LRCH2: variants seen among roughly 807,000 people sequenced by gnomAD.
The protein encoded by LRCH2 is leucine-rich repeat and calponin homology domain-containing protein 2.
Under a neutral mutation model 68.9 loss-of-function variants are expected in LRCH2, and 38 were observed. The ratio of observed to expected loss-of-function variants is 0.55; its 90% confidence interval spans 0.43 to 0.72. The LOEUF (loss-of-function observed/expected upper bound fraction) is 0.72. Among genes scored for constraint, LRCH2 ranks in the 30% least tolerant of loss-of-function variants. LRCH2 has a pLI of 0.00. For missense variants in LRCH2, 528 were observed against 572.9 expected, an observed-to-expected ratio of 0.92 and a Z score of 0.80; for synonymous variants, 191 against 208.1, an observed-to-expected ratio of 0.92 and a Z score of 0.71.
At chrX:115,121,034 G>C (rs1375696014) in intron 20 of LRCH2, among the ~76,000 whole-genome samples, 1 of 102,411 alleles carries the variant, frequency 9.8e-6, no homozygotes, top group Non-Finnish European at 2.0e-5. Context: ...GGTGGGGGGA[G>C]GCGGGAGGGA....
At chrX:115,192,203 C>T in intron 1 of LRCH2, 2 of 1,165,280 alleles carry the variant, frequency 1.7e-6, no homozygotes, top group South Asian at 1.9e-5. Flanking sequence ...GGCCGCTCGC[C>T]CAATGCCTAC....
intron 15 of LRCH2, among the ~76,000 whole-genome samples, chrX:115,129,133 G>A (rs2072222292): frequency 1.8e-5 from 2 of 111,845 alleles, no homozygotes; most frequent in Admixed American, 1.9e-4. Flanking sequence ...TATTGCAAGG[G>A]CTTGAACCTC....
chrX:115,193,025 A>G (rs782214745), intron 1 of LRCH2, among the ~76,000 whole-genome samples: 10 of 111,413 alleles, frequency 9.0e-5, no homozygotes, highest in Admixed American at 8.6e-4. Flanking sequence ...GCTCACTTAA[A>G]CCAACTAGAT....
chrX:115,190,977 G>A (rs1556558485), intron 1 of LRCH2: 2 of 1,161,445 alleles, frequency 1.7e-6, no homozygotes, highest in East Asian at 6.6e-5. Flanking sequence ...ACTATGAGGA[G>A]AACCGAGGCC....
chrX:115,172,780 C>T (rs1556547962), intron 5 of LRCH2, among the ~76,000 whole-genome samples: 1 of 82,552 alleles, frequency 1.2e-5, no homozygotes, highest in Non-Finnish European at 2.2e-5. Context: ...TTGGAGACAA[C>T]TCCTGTACTC....
intron 5 of LRCH2, 59 bp from the exon 6 acceptor site, chrX:115,170,491 T>C: frequency 1.1e-6 from 1 of 916,307 alleles, no homozygotes; most frequent in Non-Finnish European, 1.4e-6. Context: ...ACATCTATCA[T>C]TTTAAACCAT....
At chrX:115,192,190 C>T (rs1370921773) in intron 1 of LRCH2, 2 of 1,163,437 alleles carry the variant, frequency 1.7e-6, no homozygotes, top group Admixed American at 5.2e-5. Context: ...CGAGGAATAC[C>T]AAGGCCGCTC....
chrX:115,165,187 G>C (rs2072548201), intron 10 of LRCH2, among the ~76,000 whole-genome samples: 1 of 110,075 alleles, frequency 9.1e-6, no homozygotes, highest in Non-Finnish European at 1.9e-5. Flanking sequence ...TACACTTCAG[G>C]GGTAAAAATA....
chrX:115,228,983 T>C (rs186281338), intron 1 of LRCH2, among the ~76,000 whole-genome samples: 14 of 111,456 alleles, frequency 1.3e-4, no homozygotes, highest in African/African-American at 3.9e-4. Flanking sequence ...ATTGTATAAA[T>C]CCTTTAAGTA....
intron 14 of LRCH2, 45 bp from the exon 15 acceptor site, chrX:115,130,244 T>A (rs782649810): frequency 2.9e-5 from 20 of 688,407 alleles, no homozygotes; most frequent in Non-Finnish European, 4.0e-5. Context: ...CTTGAACATA[T>A]AAATTCTCTA....
Position 115,163,690 on chromosome X carries a change from T to C in LRCH2, c.1449A>G (p.Gln483=), listed in dbSNP as rs186216461. ...GAAAGGAATACCTGTTCTTCTGTTC[T>C]TGCTGCAATAACTGAGCAGCTATTT... The part of the protein sequence containing the change: ...LRKIAAQLLQ[Q]EQKNRILNHS... The change falls in exon 11 of 21, where the codon CAA becomes CAG. Residue 483 remains glutamine (Q), a synonymous_variant. Coordinates refer to ENST00000317135, the MANE Select transcript of LRCH2 (RefSeq NM_020871.4). The C allele has an allele frequency of 1.5e-3, 1,799 of 1,191,052 alleles. 3 individuals are homozygous for C. The highest frequency in any genetic ancestry group is 1.2e-3 in the Non-Finnish European group (1,038 of 882,842).
chrX:115,153,746 C>T (rs782398764), intron 12 of LRCH2, among the ~76,000 whole-genome samples: 1 of 110,220 alleles, frequency 9.1e-6, no homozygotes, highest in East Asian at 2.9e-4. Context: ...ATACTCTAAC[C>T]CCTAAAAAAA....
chrX:115,125,650 TAC>T lies in LRCH2; in HGVS notation c.1791+1191_1791+1192del, dbSNP rs1368879902. 4.0e-4 allele frequency among the ~76,000 whole-genome samples: 36 copies of T among 89,801 alleles called. 1 individual carries two copies. Among genetic ancestry groups the T allele is most frequent in the African/African-American group, 1.4e-3 (33 of 23,176 alleles). 78.0% of individuals were successfully genotyped at this position (89,801 alleles called of 115,157 possible). A position where few individuals can be genotyped will look rare whatever the true frequency, so the allele number is the denominator to read the frequency against. Reference sequence around the variant, plus strand: ...ATATACATATATATACATATATATATACACGTATATATATACGTATATATATA... The same window carrying T: ...ATATACATATATATACATATATATATACGTATATATATACGTATATATATA... On this transcript the variant is annotated intron_variant, in intron 16 of 20. Coordinates refer to ENST00000317135, the MANE Select transcript of LRCH2 (RefSeq NM_020871.4).
rs1385141448 is a variant in LRCH2, at chrX:115,169,833, CA to C, written c.998+465del. Among the ~76,000 whole-genome samples the C allele has an allele frequency of 4.5e-5, 5 of 110,653 alleles. No homozygotes were observed. In the East Asian group the frequency reaches 1.4e-3, roughly 32 times the overall value. ...AAAACACTGAAATCATAAAGAACAT[CA>C]AAGATGTTCATCAAAGATGATATAT... On this transcript the variant is annotated intron_variant, in intron 6 of 20. Transcript: ENST00000317135.
At chrX:115,189,132 A>G (rs2072757549) in intron 1 of LRCH2, among the ~76,000 whole-genome samples, 1 of 111,829 alleles carries the variant, frequency 8.9e-6, no homozygotes, top group African/African-American at 3.3e-5. Flanking sequence ...AATGTAACCA[A>G]CAACCACCAT....
At chrX:115,115,274 TG>T (rs2072072678) in intron 20 of LRCH2, among the ~76,000 whole-genome samples, 2 of 110,842 alleles carry the variant, frequency 1.8e-5, no homozygotes, top group Admixed American at 1.9e-4. Context: ...AGAACAAATG[TG>T]GAAGACTCAC....
At chrX:115,130,342 T>G (rs1378991236) in intron 14 of LRCH2, 143 bp from the exon 15 acceptor site, 2 of 343,990 alleles carry the variant, frequency 5.8e-6, no homozygotes, top group Non-Finnish European at 1.0e-5. Flanking sequence ...CAGGTGTAAA[T>G]AGTCCTACTA....
chrX:115,162,242 C>T (rs1051727160), intron 11 of LRCH2, among the ~76,000 whole-genome samples: 6 of 111,122 alleles, frequency 5.4e-5, no homozygotes, highest in Non-Finnish European at 9.4e-5. Flanking sequence ...CTTAAAAAAA[C>T]AATATTATCG....
chrX:115,120,202 G>T (rs1475976876), intron 20 of LRCH2, among the ~76,000 whole-genome samples: 31 of 97,406 alleles, frequency 3.2e-4, no homozygotes, highest in African/African-American at 1.1e-3. Flanking sequence ...CTTCTGCACA[G>T]CAAAAGAAAC....
Sources: gnomAD v4.1 joint callset for allele counts (sites outside exome capture counted in the v4.1 genomes callset) on GRCh38, gnomAD v4.1.1 for gene constraint, MANE v1.5 for transcripts, NCBI Gene and HGNC (gene_info 2026-07-23, HGNC 2026-07-21) for gene names.